Variants in MECOM observed in about 807,000 individuals in gnomAD.
MECOM encodes the protein MDS1 and EVI1 complex locus, also known as histone-lysine N-methyltransferase MECOM.
A neutral mutation model predicts 116.3 loss-of-function variants in MECOM; 13 were observed. That is an observed-to-expected ratio of 0.11 (90% CI 0.07 to 0.18). MECOM has a LOEUF of 0.18. Ranked by LOEUF, MECOM falls within the 10% of genes least tolerant of loss-of-function variation. The probability of loss-of-function intolerance (pLI) is 1.00; values close to 1 mark genes in which losing one functional copy is unlikely to be tolerated. For missense variants in MECOM, 1,299 were observed against 1,509.0 expected (o/e 0.86, Z 2.31); for synonymous variants, 528 against 535.2 (o/e 0.99, Z 0.19).
intron 2 of MECOM, among the ~76,000 whole-genome samples, chr3:169,194,782 G>A (rs10513661): frequency 6.6e-6 from 1 of 151,906 alleles, no homozygotes; most frequent in Non-Finnish European, 1.5e-5. Flanking sequence ...GAATTAAATA[G>A]AGCATCCGCC....
intron 14 of MECOM, 86 bp from the exon 15 acceptor site, chr3:169,090,322 C>CA (rs1166767802): frequency 8.1e-7 from 1 of 1,229,694 alleles, no homozygotes; most frequent in Non-Finnish European, 1.1e-6. Flanking sequence ...TTCCCAACAA[C>CA]AGTTTAGATT....
At chr3:169,411,142 A>G (rs1737492848) in intron 1 of MECOM, among the ~76,000 whole-genome samples, 2 of 152,166 alleles carry the variant, frequency 1.3e-5, no homozygotes, top group African/African-American at 2.4e-5. Flanking sequence ...TTAGGATGAA[A>G]CTATTAAACT....
intron 1 of MECOM, among the ~76,000 whole-genome samples, chr3:169,413,221 G>A (rs1373641883): frequency 6.6e-6 from 1 of 152,182 alleles, no homozygotes; most frequent in Non-Finnish European, 1.5e-5. Context: ...GAAGCAGGGT[G>A]AGGCATTGCC....
At chr3:169,452,357 T>A (rs895916899) in intron 1 of MECOM, among the ~76,000 whole-genome samples, 3 of 152,186 alleles carry the variant, frequency 2.0e-5, no homozygotes, top group Admixed American at 2.0e-4. Context: ...TTAAATAAGT[T>A]AACATATGGG....
chr3:169,594,329 C>A (rs928868294), intron 1 of MECOM, among the ~76,000 whole-genome samples: 2 of 152,008 alleles, frequency 1.3e-5, no homozygotes, highest in South Asian at 2.1e-4. Flanking sequence ...CTATCTAGAG[C>A]TGTGGCATTC....
At chr3:169,529,072 GT>G (rs1758283602) in intron 1 of MECOM, among the ~76,000 whole-genome samples, 1 of 151,908 alleles carries the variant, frequency 6.6e-6, no homozygotes, top group Admixed American at 6.6e-5. Flanking sequence ...TAGAAATAAA[GT>G]GATTGAATAA....
intron 1 of MECOM, among the ~76,000 whole-genome samples, chr3:169,662,464 C>T (rs908005284): frequency 1.3e-5 from 2 of 152,104 alleles, no homozygotes; most frequent in Non-Finnish European, 2.9e-5. Flanking sequence ...CCCGGCTCTC[C>T]GAGCGCTCGC....
chr3:169,548,445 G>A (rs1440915818), intron 1 of MECOM, among the ~76,000 whole-genome samples: 4 of 152,150 alleles, frequency 2.6e-5, no homozygotes, highest in Non-Finnish European at 5.9e-5. Context: ...TCATAGGTAC[G>A]CAATTAATAG....
intron 2 of MECOM, among the ~76,000 whole-genome samples, chr3:169,175,461 G>A (rs370778648): frequency 2.0e-5 from 3 of 152,074 alleles, no homozygotes; most frequent in East Asian, 3.8e-4. Flanking sequence ...TGTGCATAAG[G>A]TATATATAAA....
At chr3:169,516,921 A>T (rs1388460480) in intron 1 of MECOM, among the ~76,000 whole-genome samples, 1 of 152,232 alleles carries the variant, frequency 6.6e-6, no homozygotes. Context: ...AAATATTGCA[A>T]CATGCAGGCA....
At position 169,267,762 on chromosome 3, in the gene MECOM, A is replaced by T. The variant is rs201807943; in HGVS notation, c.375+113425T>A. Among the ~76,000 whole-genome samples, 526 of 149,834 alleles carry T rather than the reference A, an allele frequency of 3.5e-3. 13 individuals are homozygous for T. In the East Asian group the frequency reaches 0.053, roughly 15 times the overall value. ...GGAGAACATATCTTTAGCATAGTCC[A>T]TTTTTTTTTTCAGAGTCCAACAGTT... On this transcript the variant is annotated intron_variant, in intron 2 of 16. Transcript: ENST00000651503.
At chr3:169,461,952 A>G (rs955217062) in intron 1 of MECOM, among the ~76,000 whole-genome samples, 3 of 152,164 alleles carry the variant, frequency 2.0e-5, no homozygotes, top group African/African-American at 7.2e-5. Context: ...TTTGAAGAAG[A>G]GCTACCTTCT....
chr3:169,595,067 T>C (rs1025361714), intron 1 of MECOM, among the ~76,000 whole-genome samples: 4 of 152,146 alleles, frequency 2.6e-5, no homozygotes, highest in Admixed American at 1.3e-4. Context: ...GAATTTTCTT[T>C]ATTTTCTTCA....
rs996723819 is a variant in MECOM at position 169,390,273 on chromosome 3, C to T, written c.38-8749G>A. Among the ~76,000 whole-genome samples, 12 of 152,270 alleles carry T rather than the reference C, an allele frequency of 7.9e-5. 1 individual carries two copies. Among genetic ancestry groups the T allele is most frequent in the Admixed American group, 2.6e-4 (4 of 15,292 alleles). ...TGCCAAAAGCTTATAAAATGTATTTCCTGGAAAGACACTCTGAGAATTGGT... is the reference window on the plus strand; with the variant it reads ...TGCCAAAAGCTTATAAAATGTATTTTCTGGAAAGACACTCTGAGAATTGGT... On this transcript the variant is annotated intron_variant, in intron 1 of 16. Coordinates refer to ENST00000651503, the MANE Select transcript of MECOM (RefSeq NM_004991.4).
At chr3:169,148,832 A>G (rs1035128422) in intron 2 of MECOM, among the ~76,000 whole-genome samples, 2 of 152,230 alleles carry the variant, frequency 1.3e-5, no homozygotes. Flanking sequence ...AAATGACAAG[A>G]GGTGGTGACT....
At position 169,102,131 on chromosome 3, in the gene MECOM, G is replaced by A. The variant is rs1276996118; in HGVS notation, c.2700C>T (p.Phe900=). 17 of 1,613,788 alleles carry A rather than the reference G, an allele frequency of 1.1e-5. No homozygotes were observed. The highest frequency in any genetic ancestry group is 1.4e-5 in the Non-Finnish European group (17 of 1,179,888). ...SELLQSVPSM[F]NFRAPPNALP... ...GGGCATTGGGAGGCGCCCTGAAGTT[G>A]AACATAGAGGGCACTGACTGTAAGA... The change falls in exon 11 of 17, where the codon TTC becomes TTT. Residue 900 remains phenylalanine (F), a synonymous_variant. Transcript: ENST00000651503.
intron 2 of MECOM, among the ~76,000 whole-genome samples, chr3:169,192,148 G>T (rs1747787561): frequency 1.3e-5 from 2 of 151,990 alleles, no homozygotes; most frequent in South Asian, 4.1e-4. Flanking sequence ...CTGGAATGAA[G>T]TCTCAACTTC....
chr3:169,111,368 T>G (rs576967585), intron 9 of MECOM, among the ~76,000 whole-genome samples: 1 of 152,156 alleles, frequency 6.6e-6, no homozygotes, highest in Non-Finnish European at 1.5e-5. Context: ...AATGTATACA[T>G]GAATATTATA....
At chr3:169,541,290 A>G (rs564694535) in intron 1 of MECOM, among the ~76,000 whole-genome samples, 1 of 152,338 alleles carries the variant, frequency 6.6e-6, no homozygotes, top group East Asian at 1.9e-4. Context: ...AGAACTGAGA[A>G]CTGTTCTTGC....
Sources: allele counts gnomAD v4.1 joint callset (sites outside exome capture counted in the v4.1 genomes callset), GRCh38; gene constraint gnomAD v4.1.1; transcripts MANE v1.5; gene names NCBI Gene and HGNC (gene_info 2026-07-23, HGNC 2026-07-21).